The following DNAJC13 variants were observed in gnomAD, a reference collection of about 807,000 sequenced individuals.
The protein encoded by DNAJC13 is dnaJ homolog subfamily C member 13.
A neutral mutation model predicts 290.5 loss-of-function variants in DNAJC13; 75 were observed. The ratio of observed to expected loss-of-function variants is 0.26; its 90% CI spans 0.21 to 0.31. DNAJC13 has a LOEUF of 0.31. DNAJC13 is among the 10% of genes least tolerant of loss of function. DNAJC13 has a pLI of 1.00. For synonymous variants in DNAJC13, 862 were observed against 892.0 expected (o/e 0.97, Z 0.60); for missense variants, 2,260 against 2,674.5 (o/e 0.85, Z 3.42).
chr3:132,495,663 G>C (rs978553050), intron 35 of DNAJC13, among the ~76,000 whole-genome samples: 1 of 152,064 alleles, frequency 6.6e-6, no homozygotes, highest in Non-Finnish European at 1.5e-5. Flanking sequence ...ATGAAATCAC[G>C]TAAGAACCAC....
At chr3:132,429,457 A>G (rs1157614656) in intron 1 of DNAJC13, among the ~76,000 whole-genome samples, 2 of 152,220 alleles carry the variant, frequency 1.3e-5, no homozygotes, top group Non-Finnish European at 2.9e-5. Flanking sequence ...TGTCAATAAA[A>G]TGAGAGTCAT....
At chr3:132,447,105 TTAA>T (rs1304528292) in intron 3 of DNAJC13, among the ~76,000 whole-genome samples, 1 of 152,126 alleles carries the variant, frequency 6.6e-6, no homozygotes, top group Non-Finnish European at 1.5e-5. Flanking sequence ...TTTCTTTGGA[TTAA>T]TGTCATCATT....
At chr3:132,472,521 T>C (rs1265972983) in intron 20 of DNAJC13, 1 of 976,308 alleles carries the variant, frequency 1.0e-6, no homozygotes, top group African/African-American at 1.8e-5. Flanking sequence ...CTTTTTATTT[T>C]CTTTAACTTT....
At position 132,450,852 on chromosome 3, in the gene DNAJC13, G is replaced by T; in HGVS notation, c.537+5G>T. ...TATGGAGGATTTAGTAGATTGGTAA[G>T]TACTATTTTAAAAAAAAAAAACACT... On this transcript the variant is annotated splice_donor_5th_base_variant and intron_variant, in intron 6 of 55. Coordinates refer to ENST00000260818, the MANE Select transcript of DNAJC13 (RefSeq NM_015268.4). 6 of 1,439,516 alleles carry T rather than the reference G, an allele frequency of 4.2e-6. No homozygotes were observed. Among genetic ancestry groups the T allele is most frequent in the South Asian group, 1.3e-5 (1 of 77,204 alleles). The allele number at this position is 1,439,516 out of a possible 1,614,324, so 89.2% of individuals were successfully genotyped here.
At chr3:132,503,429 C>T (rs1467075468) in intron 41 of DNAJC13, 48 bp downstream of exon 41, 1 of 1,601,834 alleles carries the variant, frequency 6.2e-7, no homozygotes, top group Non-Finnish European at 8.5e-7. Flanking sequence ...GTGCAAGATC[C>T]TTTAAGCAGT....
intron 25 of DNAJC13, among the ~76,000 whole-genome samples, 184 bp from the exon 26 acceptor site, chr3:132,480,185 C>T (rs764893531): frequency 2.0e-5 from 3 of 152,044 alleles, no homozygotes; most frequent in Non-Finnish European, 4.4e-5. Flanking sequence ...ATTCAGGTTC[C>T]TTGAACACAA....
At position 132,456,327 on chromosome 3, in the gene DNAJC13, G is replaced by A; in HGVS notation, c.1025G>A (p.Arg342Gln). The A allele has an allele frequency of 2.5e-6, 4 of 1,614,010 alleles. No individual in the cohort carries two copies. The highest frequency in any genetic ancestry group is 3.4e-6 in the Non-Finnish European group (4 of 1,179,912). The change falls in exon 10 of 56, where the codon CGA (arginine) becomes CAA (glutamine). Residue 342 changes from arginine to glutamine, a missense_variant. Around this residue, in one of 3 missense-constraint regions of DNAJC13, gnomAD observed 762 missense variants for 964.1 expected, o/e 0.79. Coordinates refer to ENST00000260818, the MANE Select transcript of DNAJC13 (RefSeq NM_015268.4). ...VKMTPTHKGQ[R>Q]WGLLSMPVDE... ...ATGACACCAACCCATAAAGGTCAGCGATGGGGGTTACTCAGCATGCCTGTT... is the reference window on the plus strand; with the variant it reads ...ATGACACCAACCCATAAAGGTCAGCAATGGGGGTTACTCAGCATGCCTGTT...
intron 54 of DNAJC13, among the ~76,000 whole-genome samples, chr3:132,530,702 C>T (rs1173504380): frequency 6.6e-6 from 1 of 152,218 alleles, no homozygotes; most frequent in Non-Finnish European, 1.5e-5. Flanking sequence ...CAAGAAAATA[C>T]TCTGCATAGG....
rs1935917162 is a variant in DNAJC13, at chr3:132,516,283, C to G, written c.5486-139C>G. On this transcript the variant is annotated intron_variant, in intron 46 of 55. Transcript: ENST00000260818. ...CACTCATAACATGGCCATGAAAATA[C>G]CTGTCTCACTGGTTATTATGAGGAT... The G allele has an allele frequency of 3.9e-6, 3 of 770,802 alleles. No homozygotes were observed. The Admixed American group carries it at 7.9e-5, about 20-fold the overall frequency. 47.7% of individuals were successfully genotyped at this position (770,802 alleles called of 1,614,324 possible). A position where few individuals can be genotyped will look rare whatever the true frequency, so the allele number is the denominator to read the frequency against.
chr3:132,483,495 G>A lies in DNAJC13; in HGVS notation c.3100G>A (p.Gly1034Arg). The A allele has an allele frequency of 6.2e-7, 1 of 1,614,036 alleles. No individual in the cohort carries two copies. Among genetic ancestry groups the A allele is most frequent in the South Asian group, 1.1e-5 (1 of 91,084 alleles). ...PQLKWCLLAS[G>R]QAVLNETDLA... is the part of the protein sequence containing the mutation. ...GCTTAAGTGGTGTCTCTTAGCCAGT[G>A]GACAGGCTGTCCTGAATGAAACTGA... The change falls in exon 28 of 56, where the codon GGA becomes AGA. Residue 1034 changes from glycine (G) to arginine (R), a missense_variant. This residue lies in a region of DNAJC13 where 1,494 missense variants were observed against 1,693.7 expected (regional missense o/e 0.88). Coordinates refer to ENST00000260818, the MANE Select transcript of DNAJC13 (RefSeq NM_015268.4).
chr3:132,507,393 C>T, intron 43 of DNAJC13, 40 bp downstream of exon 43: 1 of 1,154,214 alleles, frequency 8.7e-7, no homozygotes, highest in Non-Finnish European at 1.3e-6. Context: ...TACCTTTGAT[C>T]ATTTGTTACT....
intron 20 of DNAJC13, among the ~76,000 whole-genome samples, chr3:132,471,846 C>T (rs1249102732): frequency 6.8e-6 from 1 of 147,552 alleles, no homozygotes; most frequent in Non-Finnish European, 1.5e-5. Context: ...GACGGGGTGG[C>T]GGCCGGGCAG....
At position 132,470,848 on chromosome 3, in the gene DNAJC13, C is replaced by A. The variant is rs1156614566; in HGVS notation, c.2209-2297C>A. 2.7e-3 allele frequency among the ~76,000 whole-genome samples: 262 copies of A among 97,196 alleles called. 31 individuals carry two copies. The highest frequency in any genetic ancestry group is 0.015 in the African/African-American group (243 of 16,250). The allele number at this position is 97,196 out of a possible 152,430, so 63.8% of individuals were successfully genotyped here. ...CGGCTGGCCAGGCGGGGGGCTGATC[C>A]CCCCACCTCCCTCCCGGACAGGGCG... On this transcript the variant is annotated intron_variant, in intron 20 of 55. Transcript: ENST00000260818.
intron 54 of DNAJC13, among the ~76,000 whole-genome samples, chr3:132,530,155 C>G (rs557006172): frequency 6.6e-6 from 1 of 152,226 alleles, no homozygotes; most frequent in East Asian, 1.9e-4. Flanking sequence ...CAGGTGCCCC[C>G]CTCCCTTGGA....
chr3:132,462,756 A>G (rs1933841653), intron 16 of DNAJC13, among the ~76,000 whole-genome samples: 1 of 152,218 alleles, frequency 6.6e-6, no homozygotes, highest in East Asian at 1.9e-4. Context: ...CTGTTACTGC[A>G]TTATTTGTTT....
At position 132,495,628 on chromosome 3, in the gene DNAJC13, C is replaced by T. The variant is rs188524650; in HGVS notation, c.4020+462C>T. Reference sequence around the variant, plus strand: ...TTAAATCATCATTCCCTGATGCCACCTCATCCAATGATGTTTCATAAACGA... The same window carrying T: ...TTAAATCATCATTCCCTGATGCCACTTCATCCAATGATGTTTCATAAACGA... On this transcript the variant is annotated intron_variant, in intron 35 of 55. Coordinates refer to ENST00000260818, the MANE Select transcript of DNAJC13 (RefSeq NM_015268.4). Among the ~76,000 whole-genome samples the T allele has an allele frequency of 2.7e-3, 415 of 152,188 alleles. 4 individuals are homozygous for T. Among genetic ancestry groups the T allele is most frequent in the Admixed American group, 6.6e-3 (101 of 15,274 alleles).
rs552242612 is a variant in DNAJC13 at position 132,425,531 on chromosome 3, A to G, written c.-14+7771A>G. Among the ~76,000 whole-genome samples, 125 of 152,246 alleles carry G rather than the reference A, an allele frequency of 8.2e-4. 1 individual carries two copies. Among genetic ancestry groups the G allele is most frequent in the South Asian group, 1.7e-3 (8 of 4,828 alleles). Reference sequence around the variant, plus strand: ...TTTCCATCAATCCATCTTATTTTTTATGCATTTCAAAACAAATTCACATTT... The same window carrying G: ...TTTCCATCAATCCATCTTATTTTTTGTGCATTTCAAAACAAATTCACATTT... On this transcript the variant is annotated intron_variant, in intron 1 of 55. Coordinates refer to ENST00000260818, the MANE Select transcript of DNAJC13 (RefSeq NM_015268.4).
chr3:132,477,298 C>T (rs1934505021), intron 22 of DNAJC13, among the ~76,000 whole-genome samples: 1 of 152,204 alleles, frequency 6.6e-6, no homozygotes, highest in African/African-American at 2.4e-5. Flanking sequence ...AACTCCTGAT[C>T]TTTGACTTTG....
intron 31 of DNAJC13, among the ~76,000 whole-genome samples, chr3:132,489,410 C>T (rs991122446): frequency 6.6e-6 from 1 of 151,772 alleles, no homozygotes; most frequent in Non-Finnish European, 1.5e-5. Context: ...CCCAAAGTGG[C>T]AGAAGTGCTA....
Sources: allele counts gnomAD v4.1 joint callset (sites outside exome capture counted in the v4.1 genomes callset), GRCh38; gene constraint gnomAD v4.1.1; regional missense constraint gnomAD v4.1.1; transcripts MANE v1.5; gene names NCBI Gene and HGNC (gene_info 2026-07-23, HGNC 2026-07-21).